The following WNT7A variants were observed in gnomAD, a reference collection of about 807,000 sequenced individuals.
The protein encoded by WNT7A is Wnt family member 7A.
In WNT7A, 16 loss-of-function variants were observed where a neutral mutation model predicts 28.2. The ratio of observed to expected loss-of-function variants is 0.57; its 90% CI spans 0.38 to 0.86. The LOEUF (loss-of-function observed/expected upper bound fraction) is 0.86. WNT7A is among the 40% of genes least tolerant of loss of function. WNT7A has a pLI of 0.00. For synonymous variants in WNT7A, 190 were observed against 195.9 expected (o/e 0.97, Z 0.25); for missense variants, 411 against 489.7 (o/e 0.84, Z 1.52).
At chr3:13,863,459 C>T (rs1259548882) in intron 2 of WNT7A, among the ~76,000 whole-genome samples, 1 of 151,978 alleles carries the variant, frequency 6.6e-6, no homozygotes, top group Middle Eastern at 3.2e-3. Context: ...TGTGTGTCTG[C>T]ATGTTGCATG....
intron 2 of WNT7A, among the ~76,000 whole-genome samples, chr3:13,856,730 A>C (rs1694735254): frequency 6.6e-6 from 1 of 152,056 alleles, no homozygotes; most frequent in Non-Finnish European, 1.5e-5. Flanking sequence ...AGGCAGGAGA[A>C]TTGCTTGAAC....
chr3:13,818,735 G>A lies in WNT7A; in HGVS notation c.*209C>T, dbSNP rs1301801924. 1 of 708,816 alleles carries A rather than the reference G, an allele frequency of 1.4e-6. No individual in the cohort carries two copies. Among genetic ancestry groups the A allele is most frequent in the Non-Finnish European group, 2.1e-6 (1 of 466,136 alleles). The allele number at this position is 708,816 out of a possible 1,614,324, so 43.9% of individuals were successfully genotyped here. ...AGGGACCTGGGCTGTGTCTGGGGGA[G>A]GGTGGAGCAGCATTGGGTGTGGAAC... On this transcript the variant is annotated 3_prime_UTR_variant, in exon 4 of 4. Coordinates refer to ENST00000285018, the MANE Select transcript of WNT7A (RefSeq NM_004625.4).
intron 2 of WNT7A, among the ~76,000 whole-genome samples, chr3:13,873,304 C>A (rs1465460542): frequency 6.6e-6 from 1 of 151,950 alleles, no homozygotes; most frequent in Non-Finnish European, 1.5e-5. Context: ...CCTCTGCCAA[C>A]TTCACCAGTG....
At chr3:13,851,726 T>C (rs1694640867) in intron 3 of WNT7A, among the ~76,000 whole-genome samples, 2 of 152,128 alleles carry the variant, frequency 1.3e-5, no homozygotes, top group South Asian at 4.1e-4. Context: ...CCACAAAGAT[T>C]CCACCATCCA....
intron 2 of WNT7A, among the ~76,000 whole-genome samples, chr3:13,862,586 G>A (rs571012697): frequency 2.8e-4 from 42 of 152,368 alleles, no homozygotes; most frequent in African/African-American, 9.6e-4. Flanking sequence ...TCTGGGCTCA[G>A]AATGCCACAT....
rs143926559 is a variant in WNT7A at position 13,850,991 on chromosome 3, C to T, written c.570+3541G>A. On this transcript the variant is annotated intron_variant, in intron 3 of 3. Coordinates refer to ENST00000285018, the MANE Select transcript of WNT7A (RefSeq NM_004625.4). ...TGTGGCCCAGGCTCTCTCCTGCTTT[C>T]CCCCTTTAACCCTCCCATCGGGCAA... 6.3e-3 allele frequency among the ~76,000 whole-genome samples: 959 copies of T among 152,238 alleles called. 5 individuals are homozygous for T. The highest frequency in any genetic ancestry group is 0.01 in the Non-Finnish European group (702 of 68,000).
rs1354050182 is a variant in WNT7A at position 13,816,965 on chromosome 3, AG to A, written c.*1978del. On this transcript the variant is annotated 3_prime_UTR_variant, in exon 4 of 4. Transcript: ENST00000285018. ...AAAGAAAAATGGAAAAAAATGTCCA[AG>A]GGAAGAAACCATGCAACCATCCAGT... 6.6e-6 allele frequency: 1 copy of A among 152,286 alleles called. No individual in the cohort carries two copies. The highest frequency in any genetic ancestry group is 1.5e-5 in the Non-Finnish European group (1 of 68,098). The allele number at this position is 152,286 out of a possible 1,614,324, so 9.4% of individuals were successfully genotyped here.
intron 3 of WNT7A, 47 bp downstream of exon 3, chr3:13,854,485 G>A (rs1392587444): frequency 6.2e-7 from 1 of 1,612,586 alleles, no homozygotes; most frequent in Non-Finnish European, 8.5e-7. Flanking sequence ...AAGCCATTTT[G>A]CAGCATCTCC....
intron 2 of WNT7A, among the ~76,000 whole-genome samples, chr3:13,856,963 A>AAGAAGAAGGAGAAGG (rs1559303383): frequency 1.6e-4 from 18 of 115,364 alleles, no homozygotes; most frequent in Non-Finnish European, 2.9e-4. Flanking sequence ...GAAGAAGAAG[A>AAGAAGAAGGAGAAGG]AGAAGGAGAA....
Position 13,838,242 on chromosome 3 carries a change from C to A in WNT7A, c.570+16290G>T, listed in dbSNP as rs143454697. ...AGTGGAGACCCAGGGCCCAGAGGGA[C>A]GTGGGTTTCTCTCTCAGCTGTGCGG... On this transcript the variant is annotated intron_variant, in intron 3 of 3. Transcript: ENST00000285018. 4.6e-5 allele frequency among the ~76,000 whole-genome samples: 7 copies of A among 152,280 alleles called. No individual in the cohort carries two copies. The East Asian group carries it at 1.4e-3, about 29-fold the overall frequency.
chr3:13,821,980 A>G (rs569760789), intron 3 of WNT7A, among the ~76,000 whole-genome samples: 2 of 152,392 alleles, frequency 1.3e-5, no homozygotes, highest in South Asian at 4.1e-4. Flanking sequence ...ATGGCCAACA[A>G]GCACATGAGA....
intron 1 of WNT7A, among the ~76,000 whole-genome samples, chr3:13,877,799 T>C (rs1695131536): frequency 6.6e-6 from 1 of 152,246 alleles, no homozygotes; most frequent in Admixed American, 6.5e-5. Context: ...GGTGGTGTTG[T>C]AATTATCATT....
At chr3:13,843,127 C>G (rs1694488369) in intron 3 of WNT7A, among the ~76,000 whole-genome samples, 1 of 152,192 alleles carries the variant, frequency 6.6e-6, no homozygotes, top group South Asian at 2.1e-4. Flanking sequence ...TCTCTTGAGT[C>G]TGCTAGCACA....
At chr3:13,846,167 A>C (rs1451985062) in intron 3 of WNT7A, among the ~76,000 whole-genome samples, 1 of 152,252 alleles carries the variant, frequency 6.6e-6, no homozygotes, top group Non-Finnish European at 1.5e-5. Context: ...GTAGGAGAGG[A>C]TGCACGTGTG....
intron 3 of WNT7A, among the ~76,000 whole-genome samples, chr3:13,850,178 G>A (rs1694605928): frequency 6.6e-6 from 1 of 152,198 alleles, no homozygotes; most frequent in Admixed American, 6.5e-5. Context: ...GCAGACTGAG[G>A]ATGCCTCCTT....
At chr3:13,856,480 G>A (rs1694731421) in intron 2 of WNT7A, among the ~76,000 whole-genome samples, 1 of 152,108 alleles carries the variant, frequency 6.6e-6, no homozygotes, top group African/African-American at 2.4e-5. Context: ...GCACCTACCG[G>A]GCTCGCAACT....
At position 13,874,907 on chromosome 3, in the gene WNT7A, G is replaced by A. The variant is rs76778829; in HGVS notation, c.298+40C>T. 992 of 1,602,972 alleles carry A rather than the reference G, an allele frequency of 6.2e-4. 11 individuals carry two copies. In the African/African-American group the frequency reaches 0.011, roughly 18 times the overall value. ...CTGAGGGTATTCTGGTGTCCCTAGA[G>A]CCGGTAAGACTCTGCGGGGGTGTTT... is the stretch of plus-strand genomic sequence containing the variant. On this transcript the variant is annotated intron_variant, in intron 2 of 3. Coordinates refer to ENST00000285018, the MANE Select transcript of WNT7A (RefSeq NM_004625.4).
At position 13,875,076 on chromosome 3, in the gene WNT7A, C is replaced by A. The variant is rs139790545; in HGVS notation, c.169G>T (p.Asp57Tyr). The A allele has an allele frequency of 1.9e-6, 3 of 1,614,248 alleles. No homozygotes were observed. The highest frequency in any genetic ancestry group is 2.5e-6 in the Non-Finnish European group (3 of 1,180,052). Residue 57 changes from aspartate (D) to tyrosine (Y), a missense_variant, in exon 2 of 4, where the codon GAC becomes TAC. Asp to Tyr is a radical substitution (Grantham distance 160, BLOSUM62 -3). Transcript: ENST00000285018. ...RQRAICQSRP[D>Y]AIIVIGEGSQ... is the part of the protein sequence containing the mutation. ...CCTTCTCCTATGACGATGATGGCGT[C>A]GGGCCGGCTCTGGCAGATCGCCCGC...
chr3:13,867,685 C>T (rs1481756677), intron 2 of WNT7A, among the ~76,000 whole-genome samples: 1 of 152,208 alleles, frequency 6.6e-6, no homozygotes, highest in Non-Finnish European at 1.5e-5. Context: ...CATCCCTAGG[C>T]ATTACCTGGT....
Sources: gnomAD v4.1 joint callset for allele counts (sites outside exome capture counted in the v4.1 genomes callset) on GRCh38, gnomAD v4.1.1 for gene constraint, MANE v1.5 for transcripts, NCBI Gene and HGNC (gene_info 2026-07-23, HGNC 2026-07-21) for gene names.